CEP152: variants seen among roughly 807,000 people sequenced by gnomAD.
The protein encoded by CEP152 is centrosomal protein of 152 kDa.
CEP152 carries 132 observed loss-of-function variants against 188.9 expected under a neutral mutation model. That is an observed-to-expected ratio of 0.70 (90% confidence interval 0.61 to 0.81). The LOEUF (loss-of-function observed/expected upper bound fraction) is 0.81. Among genes scored for constraint, CEP152 ranks in the 30% least tolerant of loss-of-function variants. The probability of loss-of-function intolerance (pLI) is 0.00; values close to 1 mark genes in which losing one functional copy is unlikely to be tolerated. For synonymous variants in CEP152, 649 were observed against 666.6 expected, an observed-to-expected ratio of 0.97 and a Z score of 0.41; for missense variants, 1,914 against 1,969.8, an observed-to-expected ratio of 0.97 and a Z score of 0.54.
intron 1 of CEP152, among the ~76,000 whole-genome samples, chr15:48,807,735 T>G (rs1334660823): frequency 6.6e-6 from 1 of 152,180 alleles, no homozygotes; most frequent in Non-Finnish European, 1.5e-5. Flanking sequence ...CTTCATTAAG[T>G]TAGAGAAGAG....
chr15:48,787,457 C>T (rs1350486577), intron 9 of CEP152, among the ~76,000 whole-genome samples: 1 of 152,050 alleles, frequency 6.6e-6, no homozygotes, highest in Non-Finnish European at 1.5e-5. Context: ...AGGCATGAGC[C>T]ACCGTAACTG....
rs750426510 is a variant in CEP152, at chr15:48,797,575, T to C, written c.266A>G (p.Tyr89Cys). Residue 89 changes from tyrosine to cysteine, a missense_variant, in exon 5 of 27, where the codon TAT becomes TGT. Tyr to Cys is a radical substitution (Grantham distance 194). Coordinates refer to ENST00000380950, the MANE Select transcript of CEP152 (RefSeq NM_001194998.2). The part of the protein sequence containing the change: ...MLPKSQSVNG[Y>C]NEIQSLYAGE... ...AGCATATAAACTCTGAATTTCATTA[T>C]AGCCCTATTAGATAACAAGAGTAAA... 3.7e-6 allele frequency: 6 copies of C among 1,614,136 alleles called. No homozygotes were observed. The highest frequency in any genetic ancestry group is 1.3e-5 in the African/African-American group (1 of 75,056).
At chr15:48,754,629 C>G (rs2140657363) in intron 20 of CEP152, among the ~76,000 whole-genome samples, 1 of 152,160 alleles carries the variant, frequency 6.6e-6, no homozygotes, top group Non-Finnish European at 1.5e-5. Flanking sequence ...TTTGTGAGGT[C>G]AAGGATAAAA....
chr15:48,805,630 C>A lies in CEP152; in HGVS notation c.20G>T (p.Ser7Ile), dbSNP rs1897937573. The change falls in exon 2 of 27, where the codon AGT becomes ATT. Residue 7 changes from serine (S) to isoleucine (I), a missense_variant. By Grantham distance (142) the Ser-to-Ile change is moderately radical (BLOSUM62 -2). Transcript: ENST00000380950. The part of the protein sequence containing the change: MSLDFG[S>I]VALPVQNEDE... ...TTCATTTTGCACTGGTAGTGCCACA[C>A]TGCCAAAGTCTAATGACATGGTCCT... The A allele has an allele frequency of 6.2e-7, 1 of 1,609,326 alleles. No individual in the cohort carries two copies. Among genetic ancestry groups the A allele is most frequent in the Non-Finnish European group, 8.5e-7 (1 of 1,177,836 alleles).
chr15:48,744,946 GTCGTTGTTTTCT>G lies in CEP152; in HGVS notation c.3669_3680del (p.Glu1223_Asn1226del). On this transcript the variant is annotated inframe_deletion, in exon 23 of 27. Transcript: ENST00000380950. ...GCAATTCTTCCAATTTATTCTTCAT[GTCGTTGTTTTCT>G]TCTATTAATTCTTCAACAACTTTAT... The G allele has an allele frequency of 6.2e-7, 1 of 1,610,668 alleles. No homozygotes were observed. Among genetic ancestry groups the G allele is most frequent in the South Asian group, 1.1e-5 (1 of 90,348 alleles).
intron 22 of CEP152, among the ~76,000 whole-genome samples, chr15:48,748,164 T>C (rs967867900): frequency 5.3e-5 from 8 of 152,160 alleles, no homozygotes; most frequent in African/African-American, 1.9e-4. Context: ...TATTCACTGC[T>C]GCATCCCCAG....
chr15:48,792,063 G>A (rs1897027089), intron 7 of CEP152, among the ~76,000 whole-genome samples: 1 of 152,098 alleles, frequency 6.6e-6, no homozygotes, highest in Non-Finnish European at 1.5e-5. Context: ...TGCAATCTCG[G>A]CTCACTGCAA....
intron 26 of CEP152, 175 bp downstream of exon 26, chr15:48,741,426 A>C: frequency 6.8e-7 from 1 of 1,462,356 alleles, no homozygotes; most frequent in Non-Finnish European, 9.0e-7. Flanking sequence ...CAGTCTGCCT[A>C]CTTAAATTGG....
chr15:48,737,903 T>G (rs999065973), downstream of CEP152: 1 of 192,288 alleles, frequency 5.2e-6, no homozygotes, highest in African/African-American at 2.4e-5. Flanking sequence ...ATGACATTTC[T>G]GTATTCTGAA....
At position 48,781,368 on chromosome 15, in the gene CEP152, C is replaced by T. The variant is rs149319463; in HGVS notation, c.1414-9G>A. The T allele has an allele frequency of 1.9e-6, 3 of 1,579,292 alleles. No homozygotes were observed. Among genetic ancestry groups the T allele is most frequent in the African/African-American group, 2.7e-5 (2 of 74,186 alleles). ...AGTTCTGTTAATTCTTCCTACAACA[C>T]AAAATTATTAAAAATAATTTTCACT... On this transcript the variant is annotated splice_polypyrimidine_tract_variant and intron_variant, in intron 11 of 26. Transcript: ENST00000380950.
At chr15:48,746,558 G>A (rs1199664920) in intron 22 of CEP152, among the ~76,000 whole-genome samples, 1 of 151,978 alleles carries the variant, frequency 6.6e-6, no homozygotes, top group African/African-American at 2.4e-5. Context: ...AACCCTTTCT[G>A]GTCTTAAAGT....
At chr15:48,754,364 T>C (rs1029985057) in intron 20 of CEP152, among the ~76,000 whole-genome samples, 21 of 152,318 alleles carry the variant, frequency 1.4e-4, no homozygotes, top group South Asian at 1.0e-3. Flanking sequence ...AAAGGTGTCA[T>C]AGTTTCTTGA....
At chr15:48,746,644 A>G (rs548811139) in intron 22 of CEP152, among the ~76,000 whole-genome samples, 1 of 152,338 alleles carries the variant, frequency 6.6e-6, no homozygotes, top group South Asian at 2.1e-4. Flanking sequence ...TGGTAGTTAC[A>G]GGTGGCTTCT....
rs1040451138 is a variant in CEP152, at chr15:48,781,322, TAG to T, written c.1449_1450del (p.Tyr484Ter). The stretch of plus-strand genomic sequence containing the variant: ...TATTCCTAGTTTTGCAGCAGATTCA[TAG>T]AGAGAAATTTCATCTTTTAGTTCTG... On this transcript the variant is annotated frameshift_variant, in exon 12 of 27. Transcript: ENST00000380950. LOFTEE classifies it high-confidence loss of function. The T allele has an allele frequency of 6.2e-7, 1 of 1,610,702 alleles. No homozygotes were observed. The highest frequency in any genetic ancestry group is 8.5e-7 in the Non-Finnish European group (1 of 1,177,410).
At position 48,756,549 on chromosome 15, in the gene CEP152, G is replaced by A. The variant is rs1894288661; in HGVS notation, c.2699C>T (p.Ser900Leu). 1 of 1,603,946 alleles carries A rather than the reference G, an allele frequency of 6.2e-7. No individual in the cohort carries two copies. The highest frequency in any genetic ancestry group is 1.3e-5 in the African/African-American group (1 of 74,868). ...CTCTTTAGCTTCAGAAACAGCAAATGATATCTAAAGAACATAACAACATGC... is the reference window on the plus strand; with the variant it reads ...CTCTTTAGCTTCAGAAACAGCAAATAATATCTAAAGAACATAACAACATGC... ...QHEVSVNKRI[S>L]FAVSEAKEKW... Residue 900 changes from serine (S) to leucine (L), a missense_variant, in exon 20 of 27, where the codon TCA becomes TTA. Physicochemically the swap from Ser to Leu is moderately radical, Grantham distance 145. Coordinates refer to ENST00000380950, the MANE Select transcript of CEP152 (RefSeq NM_001194998.2).
chr15:48,784,231 T>C, intron 9 of CEP152, 111 bp from the exon 10 acceptor site: 1 of 1,047,708 alleles, frequency 9.5e-7, no homozygotes, highest in South Asian at 1.5e-5. Flanking sequence ...GATCATCACA[T>C]GGGAGCATCA....
chr15:48,744,777 G>T, intron 23 of CEP152, 119 bp downstream of exon 23: 3 of 948,086 alleles, frequency 3.2e-6, no homozygotes, highest in Non-Finnish European at 4.6e-6. Context: ...GGTTTTGGGG[G>T]ATTTTCTTCT....
chr15:48,802,431 C>G (rs1897725310), intron 2 of CEP152, among the ~76,000 whole-genome samples: 1 of 152,200 alleles, frequency 6.6e-6, no homozygotes, highest in South Asian at 2.1e-4. Context: ...TCTCACTGAT[C>G]TACACCCTAA....
At chr15:48,780,946 C>T (rs1896202051) in intron 12 of CEP152, among the ~76,000 whole-genome samples, 1 of 152,092 alleles carries the variant, frequency 6.6e-6, no homozygotes, top group African/African-American at 2.4e-5. Flanking sequence ...TATGAGATTG[C>T]TAAAATATCT....
Sources: allele counts gnomAD v4.1 joint callset (sites outside exome capture counted in the v4.1 genomes callset), GRCh38; gene constraint gnomAD v4.1.1; transcripts MANE v1.5; gene names NCBI Gene and HGNC (gene_info 2026-07-23, HGNC 2026-07-21).